Variants in CUX2 observed in about 807,000 individuals in gnomAD.
CUX2 encodes the protein cut like homeobox 2.
A neutral mutation model predicts 144.8 loss-of-function variants in CUX2; 40 were observed. The ratio of observed to expected loss-of-function variants is 0.28; its 90% confidence interval spans 0.21 to 0.36. The LOEUF is 0.36. CUX2 is among the 10% of genes least tolerant of loss of function. The pLI, the probability that CUX2 is intolerant of heterozygous loss-of-function variation, is 1.00. For missense variants in CUX2, 1,615 were observed against 1,994.0 expected (o/e 0.81, Z 3.62); for synonymous variants, 827 against 875.6 (o/e 0.94, Z 0.98).
chr12:111,283,257 G>A (rs895850725), intron 4 of CUX2, among the ~76,000 whole-genome samples: 2 of 152,000 alleles, frequency 1.3e-5, no homozygotes, highest in Non-Finnish European at 2.9e-5. Flanking sequence ...GTCACATGGG[G>A]GGCAGGTTAG....
chr12:111,223,482 T>G (rs1389374155), intron 3 of CUX2, among the ~76,000 whole-genome samples: 1 of 152,200 alleles, frequency 6.6e-6, no homozygotes, highest in African/African-American at 2.4e-5. Context: ...TCTGGGCCTG[T>G]GCCTACTTTG....
intron 3 of CUX2, among the ~76,000 whole-genome samples, chr12:111,226,488 T>C (rs2136238914): frequency 6.6e-6 from 1 of 152,364 alleles, no homozygotes; most frequent in South Asian, 2.1e-4. Context: ...TTCAGTATTA[T>C]ATGCCTTATA....
At chr12:111,053,783 C>T (rs1443015366) in intron 1 of CUX2, among the ~76,000 whole-genome samples, 3 of 152,212 alleles carry the variant, frequency 2.0e-5, no homozygotes, top group Non-Finnish European at 4.4e-5. Flanking sequence ...GAACTCATTA[C>T]CATACATTAA....
chr12:111,242,705 T>G (rs2136261893), intron 3 of CUX2, among the ~76,000 whole-genome samples: 2 of 152,238 alleles, frequency 1.3e-5, no homozygotes, highest in Middle Eastern at 3.4e-3. Flanking sequence ...TCCCAGGTAC[T>G]CCAGAGGCTG....
intron 18 of CUX2, among the ~76,000 whole-genome samples, chr12:111,328,320 CT>C (rs2136420099): frequency 6.6e-6 from 1 of 152,298 alleles, no homozygotes; most frequent in African/African-American, 2.4e-5. Context: ...CACTGGAACC[CT>C]GACCATACCT....
chr12:111,248,334 C>T (rs1332154806), intron 3 of CUX2, among the ~76,000 whole-genome samples: 2 of 152,220 alleles, frequency 1.3e-5, no homozygotes, highest in East Asian at 3.8e-4. Flanking sequence ...AGGCATGCCT[C>T]ACCACCCAGG....
chr12:111,138,314 A>T (rs889546332), intron 1 of CUX2, among the ~76,000 whole-genome samples: 2 of 151,660 alleles, frequency 1.3e-5, no homozygotes, highest in African/African-American at 4.9e-5. Context: ...CACTGTTCTC[A>T]TCCAGCACCC....
At chr12:111,125,255 C>A (rs1008681270) in intron 1 of CUX2, among the ~76,000 whole-genome samples, 1 of 151,680 alleles carries the variant, frequency 6.6e-6, no homozygotes, top group Non-Finnish European at 1.5e-5. Context: ...TCTCAGCTCA[C>A]TGCAACCTCC....
Position 111,035,396 on chromosome 12 carries a change from C to G in CUX2, c.63+1156C>G, listed in dbSNP as rs1869382605. On this transcript the variant is annotated intron_variant, in intron 1 of 21. Coordinates refer to ENST00000261726, the MANE Select transcript of CUX2 (RefSeq NM_015267.4). This position sits in a 1 kb window ranked among gnomAD's most constrained non-coding sequence, Gnocchi z 6.0. ...GGAGGTGGAATCTCAGAGAACGCAC[C>G]GTGGAGGCGCGGCTCCGGCCTCTGT... 6.6e-6 allele frequency among the ~76,000 whole-genome samples: 1 copy of G among 152,024 alleles called. No individual in the cohort carries two copies. The highest frequency in any genetic ancestry group is 1.5e-5 in the Non-Finnish European group (1 of 67,990).
chr12:111,111,574 T>C (rs1238876738), intron 1 of CUX2, among the ~76,000 whole-genome samples: 2 of 152,164 alleles, frequency 1.3e-5, no homozygotes, highest in African/African-American at 4.8e-5. Context: ...TTGGCAGTGA[T>C]CTCAACTGGT....
rs894576342 is a variant in CUX2 at position 111,306,894 on chromosome 12, GC to G, written c.859-23del. 5.1e-6 allele frequency: 8 copies of G among 1,559,496 alleles called. No homozygotes were observed. In the African/African-American group the frequency reaches 8.2e-5, roughly 16 times the overall value. On this transcript the variant is annotated intron_variant, in intron 10 of 21. Coordinates refer to ENST00000261726, the MANE Select transcript of CUX2 (RefSeq NM_015267.4). ...GTGGACCCCCATCCCTCACCTCTCA[GC>G]CCCTCAAAGACCCCTTTGCCTGCAG...
chr12:111,297,365 C>T lies in CUX2; in HGVS notation c.704+826C>T, dbSNP rs141957971. Among the ~76,000 whole-genome samples the T allele has an allele frequency of 3.2e-4, 49 of 152,372 alleles. No individual in the cohort carries two copies. The East Asian group carries it at 9.1e-3, about 28-fold the overall frequency. ...ATGCCTCCTCTTTCTGACTCTTCTC[C>T]TTCCTCTGAGTCTCGGCTGGAGGCC... On this transcript the variant is annotated intron_variant, in intron 8 of 21. Coordinates refer to ENST00000261726, the MANE Select transcript of CUX2 (RefSeq NM_015267.4).
intron 1 of CUX2, among the ~76,000 whole-genome samples, chr12:111,040,500 C>T (rs1311572459): frequency 6.6e-6 from 1 of 151,956 alleles, no homozygotes; most frequent in Non-Finnish European, 1.5e-5. Context: ...CCTCTGCCTG[C>T]GACCCTTTCC....
intron 3 of CUX2, among the ~76,000 whole-genome samples, chr12:111,256,372 G>A (rs1384810265): frequency 6.6e-6 from 1 of 152,046 alleles, no homozygotes; most frequent in Non-Finnish European, 1.5e-5. Flanking sequence ...CCGATCTCTG[G>A]GTTGCCTTTC....
At chr12:111,070,513 G>A (rs1448037585) in intron 1 of CUX2, among the ~76,000 whole-genome samples, 1 of 149,946 alleles carries the variant, frequency 6.7e-6, no homozygotes, top group African/African-American at 2.5e-5. Context: ...GAGAGTTGCC[G>A]TATCCTCTCT....
intron 3 of CUX2, among the ~76,000 whole-genome samples, chr12:111,227,358 G>A (rs1403605496): frequency 6.6e-6 from 1 of 152,114 alleles, no homozygotes; most frequent in Non-Finnish European, 1.5e-5. Context: ...ATCGCAGCTC[G>A]TTGCCCATTG....
intron 1 of CUX2, among the ~76,000 whole-genome samples, chr12:111,196,075 C>T (rs1880222192): frequency 6.6e-6 from 1 of 152,170 alleles, no homozygotes; most frequent in African/African-American, 2.4e-5. Context: ...CATAGATTTG[C>T]CTTTTCTGGT....
chr12:111,236,008 A>G (rs1398498904), intron 3 of CUX2, among the ~76,000 whole-genome samples: 1 of 152,146 alleles, frequency 6.6e-6, no homozygotes, highest in Non-Finnish European at 1.5e-5. Flanking sequence ...GCACGGCCCC[A>G]GGTCTGCCTC....
At chr12:111,323,897 T>A (rs1046121037) in intron 18 of CUX2, among the ~76,000 whole-genome samples, 13 of 151,784 alleles carry the variant, frequency 8.6e-5, no homozygotes, top group African/African-American at 3.1e-4. Context: ...TCTCTACAAA[T>A]AAAAAATTAG....
Sources: allele counts gnomAD v4.1 joint callset (sites outside exome capture counted in the v4.1 genomes callset), GRCh38; gene constraint gnomAD v4.1.1; non-coding constraint Gnocchi (gnomAD v3.1); transcripts MANE v1.5; gene names NCBI Gene and HGNC (gene_info 2026-07-23, HGNC 2026-07-21).